Variants in SORCS1 observed in about 807,000 individuals in gnomAD.
SORCS1 encodes sortilin related VPS10 domain containing receptor 1.
In SORCS1, 60 loss-of-function variants were observed where a neutral mutation model predicts 146.1. The observed-to-expected ratio is 0.41, with a 90% CI of 0.33 to 0.51. The LOEUF (loss-of-function observed/expected upper bound fraction) is 0.51, where lower values mean the gene tolerates loss of function less well. SORCS1 is among the 20% of genes least tolerant of loss of function. The pLI, the probability that SORCS1 is intolerant of heterozygous loss-of-function variation, is 0.21. For synonymous variants in SORCS1, 637 were observed against 584.0 expected, an observed-to-expected ratio of 1.09 and a Z score of -1.31; for missense variants, 1,352 against 1,487.6, an observed-to-expected ratio of 0.91 and a Z score of 1.50.
intron 2 of SORCS1, among the ~76,000 whole-genome samples, chr10:106,889,158 T>G (rs1046073304): frequency 6.6e-6 from 1 of 152,204 alleles, no homozygotes; most frequent in Admixed American, 6.5e-5. Context: ...GATACTAGGT[T>G]AAGCATCCTC....
At chr10:107,032,419 T>C (rs1475656500) in intron 1 of SORCS1, among the ~76,000 whole-genome samples, 1 of 152,210 alleles carries the variant, frequency 6.6e-6, no homozygotes, top group Admixed American at 6.5e-5. Flanking sequence ...CTGCATTTTT[T>C]TCCTTTCTTT....
chr10:107,035,810 T>C (rs1316515263), intron 1 of SORCS1, among the ~76,000 whole-genome samples: 2 of 152,040 alleles, frequency 1.3e-5, no homozygotes, highest in Non-Finnish European at 2.9e-5. Flanking sequence ...AGTGCTTTAC[T>C]TGAATGGTCT....
chr10:106,805,662 T>C (rs1947125284), intron 3 of SORCS1, among the ~76,000 whole-genome samples: 1 of 152,168 alleles, frequency 6.6e-6, no homozygotes, highest in Admixed American at 6.5e-5. Context: ...GTTCATGCCA[T>C]GACAGAAATG....
chr10:106,760,147 G>A (rs972132128), intron 5 of SORCS1, among the ~76,000 whole-genome samples: 2 of 152,042 alleles, frequency 1.3e-5, no homozygotes, highest in African/African-American at 4.8e-5. Context: ...TTAATGCCCT[G>A]ATAAGAGGAG....
upstream of SORCS1, among the ~76,000 whole-genome samples, chr10:107,165,427 T>C (rs1020135837): frequency 2.6e-5 from 4 of 152,100 alleles, no homozygotes; most frequent in Admixed American, 6.5e-5. The surrounding 1 kb of genome is among the most constrained non-coding windows in gnomAD (Gnocchi z 4.0). Flanking sequence ...CATGCAATCA[T>C]ATTTAAGAAA....
chr10:106,962,483 T>C (rs1445150058), intron 1 of SORCS1, among the ~76,000 whole-genome samples: 1 of 151,894 alleles, frequency 6.6e-6, no homozygotes, highest in African/African-American at 2.4e-5. Context: ...ATAATTTGCA[T>C]TCTTGTTTTC....
At chr10:106,585,273 T>C (rs1411334548) in intron 24 of SORCS1, among the ~76,000 whole-genome samples, 2 of 151,566 alleles carry the variant, frequency 1.3e-5, no homozygotes, top group Non-Finnish European at 1.5e-5. Flanking sequence ...CCAAAATCCA[T>C]ATATGTGACA....
intron 18 of SORCS1, among the ~76,000 whole-genome samples, chr10:106,634,479 C>T (rs533604735): frequency 6.6e-6 from 1 of 152,286 alleles, no homozygotes; most frequent in South Asian, 2.1e-4. Flanking sequence ...CATAAAGTCA[C>T]GCAGCTAGTT....
intron 1 of SORCS1, among the ~76,000 whole-genome samples, chr10:107,043,894 A>C (rs1211659929): frequency 6.6e-6 from 1 of 152,228 alleles, no homozygotes; most frequent in Admixed American, 6.5e-5. Flanking sequence ...CATCTTTCCG[A>C]AAGTCCTGCT....
At chr10:106,741,828 C>T (rs1292711800) in intron 5 of SORCS1, among the ~76,000 whole-genome samples, 1 of 152,116 alleles carries the variant, frequency 6.6e-6, no homozygotes, top group African/African-American at 2.4e-5. Flanking sequence ...TTTTTGCAGT[C>T]ACTTGCAAAA....
At chr10:106,675,427 A>C (rs898591002) in intron 13 of SORCS1, among the ~76,000 whole-genome samples, 1 of 152,150 alleles carries the variant, frequency 6.6e-6, no homozygotes, top group East Asian at 1.9e-4. Context: ...AAAATTGTTG[A>C]AAGTTTGGAT....
At chr10:106,897,823 A>C (rs1300142746) in intron 2 of SORCS1, among the ~76,000 whole-genome samples, 1 of 152,214 alleles carries the variant, frequency 6.6e-6, no homozygotes, top group East Asian at 1.9e-4. Context: ...GGTACACGTG[A>C]GCTCAGGACT....
At chr10:107,119,100 G>C (rs1443735221) in intron 1 of SORCS1, among the ~76,000 whole-genome samples, 3 of 152,210 alleles carry the variant, frequency 2.0e-5, no homozygotes, top group African/African-American at 4.8e-5. Flanking sequence ...CAGTGAAATG[G>C]AAGTGGTGGA....
intron 3 of SORCS1, among the ~76,000 whole-genome samples, chr10:106,826,458 CA>C (rs1164320743): frequency 6.6e-6 from 1 of 152,200 alleles, no homozygotes; most frequent in East Asian, 1.9e-4. Flanking sequence ...GCATAATTAA[CA>C]GAGCCTGAAA....
chr10:107,161,097 C>CA (rs1969669963), intron 1 of SORCS1, among the ~76,000 whole-genome samples: 1 of 152,114 alleles, frequency 6.6e-6, no homozygotes, highest in South Asian at 2.1e-4. Context: ...ACAGACGAGG[C>CA]AAAACAGACA....
At chr10:106,992,238 A>G (rs1956798534) in intron 1 of SORCS1, among the ~76,000 whole-genome samples, 1 of 152,176 alleles carries the variant, frequency 6.6e-6, no homozygotes, top group South Asian at 2.1e-4. Flanking sequence ...ACTTCCGTAT[A>G]TTCGTCCCAA....
At chr10:107,050,947 G>GT (rs1221305828) in intron 1 of SORCS1, among the ~76,000 whole-genome samples, 1 of 151,862 alleles carries the variant, frequency 6.6e-6, no homozygotes, top group Non-Finnish European at 1.5e-5. Context: ...TCATTAAATC[G>GT]TTTAATATAT....
intron 23 of SORCS1, among the ~76,000 whole-genome samples, chr10:106,601,405 G>A (rs1846231928): frequency 6.6e-6 from 1 of 152,044 alleles, no homozygotes; most frequent in African/African-American, 2.4e-5. Flanking sequence ...CATTATTCTT[G>A]GTATCTGCCT....
At chr10:107,154,689 G>C (rs923074418) in intron 1 of SORCS1, among the ~76,000 whole-genome samples, 1 of 152,134 alleles carries the variant, frequency 6.6e-6, no homozygotes, top group Non-Finnish European at 1.5e-5. Context: ...CCTAAATGCA[G>C]AAACAGAAAC....
Sources: gnomAD v4.1 joint callset for allele counts (sites outside exome capture counted in the v4.1 genomes callset) on GRCh38, gnomAD v4.1.1 for gene constraint, Gnocchi (gnomAD v3.1) non-coding constraint, MANE v1.5 for transcripts, NCBI Gene and HGNC (gene_info 2026-07-23, HGNC 2026-07-21) for gene names.